Variants in RCOR1 observed in about 807,000 individuals in gnomAD.
The protein encoded by RCOR1 is REST corepressor.
In RCOR1, 12 loss-of-function variants were observed where a neutral mutation model predicts 64.0. The ratio of observed to expected loss-of-function variants is 0.19; its 90% CI spans 0.12 to 0.30. RCOR1 has a LOEUF of 0.30. Among genes scored for constraint, RCOR1 ranks in the 10% least tolerant of loss-of-function variants. The pLI, the probability that RCOR1 is intolerant of heterozygous loss-of-function variation, is 1.00. For missense variants in RCOR1, 502 were observed against 621.2 expected, an observed-to-expected ratio of 0.81 and a Z score of 2.04; for synonymous variants, 279 against 227.2, an observed-to-expected ratio of 1.23 and a Z score of -2.05.
At chr14:102,636,378 A>G (rs953701698) in intron 2 of RCOR1, among the ~76,000 whole-genome samples, 3 of 150,606 alleles carry the variant, frequency 2.0e-5, no homozygotes, top group African/African-American at 7.3e-5. Flanking sequence ...CCTGGGTTCA[A>G]GCGATTCTCC....
chr14:102,706,114 C>CAA (rs71119732), intron 4 of RCOR1, among the ~76,000 whole-genome samples: 237 of 21,336 alleles, frequency 0.011, 47 homozygotes, highest in African/African-American at 0.045. Context: ...AACCCTGTCT[C>CAA]AAAAAAAAAA....
intron 3 of RCOR1, among the ~76,000 whole-genome samples, chr14:102,689,179 C>G (rs1313712695): frequency 2.0e-5 from 3 of 152,290 alleles, no homozygotes; most frequent in East Asian, 3.9e-4. Context: ...TAGGCCCAGT[C>G]TGGTTCCTTT....
chr14:102,646,211 A>G (rs1008721859), intron 2 of RCOR1, among the ~76,000 whole-genome samples: 1 of 152,142 alleles, frequency 6.6e-6, no homozygotes, highest in African/African-American at 2.4e-5. Flanking sequence ...CTGTCTGATC[A>G]CCTTGCAGGG....
At chr14:102,645,830 G>A (rs1894468448) in intron 2 of RCOR1, among the ~76,000 whole-genome samples, 1 of 152,322 alleles carries the variant, frequency 6.6e-6, no homozygotes, top group Non-Finnish European at 1.5e-5. Context: ...GAAGAGTAGT[G>A]CACAGGCAAG....
chr14:102,657,354 T>G (rs1243629503), intron 2 of RCOR1: 23 of 985,278 alleles, frequency 2.3e-5, no homozygotes, highest in Non-Finnish European at 2.8e-5. Context: ...AACCCATGTT[T>G]TAATCCTAAT....
chr14:102,637,328 T>A (rs532189035), intron 2 of RCOR1, among the ~76,000 whole-genome samples: 1 of 152,138 alleles, frequency 6.6e-6, no homozygotes, highest in Admixed American at 6.6e-5. Flanking sequence ...GGTTTTACTA[T>A]GTTGGTGAGG....
chr14:102,665,469 A>G (rs1380417686), intron 2 of RCOR1, among the ~76,000 whole-genome samples: 2 of 152,108 alleles, frequency 1.3e-5, no homozygotes, highest in Non-Finnish European at 2.9e-5. Flanking sequence ...AATATTTTCA[A>G]TTTGTGATAC....
intron 2 of RCOR1, among the ~76,000 whole-genome samples, chr14:102,679,130 A>G (rs1481970009): frequency 6.6e-6 from 1 of 152,148 alleles, no homozygotes; most frequent in Non-Finnish European, 1.5e-5. Context: ...TTTTTAGTAT[A>G]CCATTAAAAA....
chr14:102,615,984 C>A (rs72702748), intron 2 of RCOR1, among the ~76,000 whole-genome samples: 3 of 152,248 alleles, frequency 2.0e-5, no homozygotes, highest in Non-Finnish European at 1.5e-5. Flanking sequence ...CTACACTACC[C>A]GCTTAGAGAT....
At chr14:102,599,693 G>C (rs959625966) in intron 2 of RCOR1, among the ~76,000 whole-genome samples, 1 of 152,052 alleles carries the variant, frequency 6.6e-6, no homozygotes, top group Non-Finnish European at 1.5e-5. Flanking sequence ...ACTGAACAGG[G>C]TGTCTTGATA....
intron 8 of RCOR1, among the ~76,000 whole-genome samples, chr14:102,718,116 G>C (rs992723205): frequency 1.4e-4 from 21 of 152,164 alleles, no homozygotes; most frequent in African/African-American, 5.1e-4. Flanking sequence ...GTGGCTACTG[G>C]TGTTAGTTCA....
At chr14:102,679,803 A>G (rs1444303555) in intron 2 of RCOR1, among the ~76,000 whole-genome samples, 1 of 152,174 alleles carries the variant, frequency 6.6e-6, no homozygotes, top group Non-Finnish European at 1.5e-5. Context: ...TGCCAATACC[A>G]TACATTCTTG....
intron 4 of RCOR1, among the ~76,000 whole-genome samples, chr14:102,704,431 T>A (rs1289320879): frequency 1.3e-5 from 2 of 152,166 alleles, no homozygotes; most frequent in Non-Finnish European, 2.9e-5. Context: ...CCTTCTGAGA[T>A]TTTTTATTTT....
chr14:102,706,697 T>C (rs1412304823), intron 4 of RCOR1, among the ~76,000 whole-genome samples: 4 of 152,028 alleles, frequency 2.6e-5, no homozygotes, highest in Non-Finnish European at 4.4e-5. Flanking sequence ...TGTGGTGGCA[T>C]GTGCCTGTAT....
At chr14:102,707,066 TTAAA>T (rs1191890118) in intron 4 of RCOR1, among the ~76,000 whole-genome samples, 14 of 152,060 alleles carry the variant, frequency 9.2e-5, no homozygotes, top group African/African-American at 4.8e-5. Flanking sequence ...TGTTTGAAAA[TTAAA>T]TAATTTATTT....
intron 2 of RCOR1, among the ~76,000 whole-genome samples, chr14:102,620,113 G>T (rs1893844069): frequency 6.6e-6 from 1 of 152,016 alleles, no homozygotes; most frequent in African/African-American, 2.4e-5. Flanking sequence ...TGTTAGGCTG[G>T]GTGCAGTGAC....
intron 2 of RCOR1, among the ~76,000 whole-genome samples, chr14:102,621,367 CTTTTTTTTTTTT>C (rs35481023): frequency 6.4e-5 from 5 of 78,514 alleles, no homozygotes; most frequent in Admixed American, 1.7e-4. Flanking sequence ...CAGTCTTTGT[CTTTTTTTTTTTT>C]TTTTTTTTTT....
chr14:102,620,876 A>C (rs955280369), intron 2 of RCOR1, among the ~76,000 whole-genome samples: 16 of 152,042 alleles, frequency 1.1e-4, no homozygotes, highest in African/African-American at 3.9e-4. Context: ...CATTCAGATC[A>C]TTGCTCAATA....
At chr14:102,651,130 G>C (rs941001168) in intron 2 of RCOR1, 5 of 965,780 alleles carry the variant, frequency 5.2e-6, no homozygotes, top group Middle Eastern at 5.2e-4. Context: ...GACCAGCTCG[G>C]TCGGGGAGAC....
Sources: gnomAD v4.1 joint callset for allele counts (sites outside exome capture counted in the v4.1 genomes callset) on GRCh38, gnomAD v4.1.1 for gene constraint, MANE v1.5 for transcripts, NCBI Gene and HGNC (gene_info 2026-07-23, HGNC 2026-07-21) for gene names.